CSMD1: variants seen among roughly 807,000 people sequenced by gnomAD.
CSMD1 encodes the protein CUB and Sushi multiple domains 1.
In CSMD1, 213 loss-of-function variants were observed where a neutral mutation model predicts 417.5. The observed-to-expected ratio is 0.51, with a 90% CI of 0.46 to 0.57. The LOEUF (loss-of-function observed/expected upper bound fraction) is 0.57. Ranked by LOEUF, CSMD1 falls within the 20% of genes least tolerant of loss-of-function variation. The probability of loss-of-function intolerance (pLI) is 0.00; values close to 1 mark genes in which losing one functional copy is unlikely to be tolerated. For synonymous variants in CSMD1, 2,862 were observed against 1,736.8 expected (o/e 1.65, Z -16.11); for missense variants, 6,923 against 4,529.7 (o/e 1.53, Z -15.17).
chr8:3,335,751 C>A (rs1287103564), intron 23 of CSMD1, among the ~76,000 whole-genome samples: 2 of 152,272 alleles, frequency 1.3e-5, no homozygotes, highest in South Asian at 2.1e-4. Flanking sequence ...AAGAGTAGAG[C>A]AGACACAGAG....
intron 2 of CSMD1, among the ~76,000 whole-genome samples, chr8:4,482,404 G>A (rs1037419317): frequency 1.3e-5 from 2 of 152,106 alleles, no homozygotes; most frequent in African/African-American, 4.8e-5. Context: ...CTCCATCCAT[G>A]CTCCTGCAAA....
chr8:4,191,172 G>A (rs1489440102), intron 3 of CSMD1, among the ~76,000 whole-genome samples: 3 of 152,170 alleles, frequency 2.0e-5, no homozygotes, highest in East Asian at 3.9e-4. Context: ...CGAGGCAGGT[G>A]GATCACGACG....
intron 3 of CSMD1, among the ~76,000 whole-genome samples, chr8:4,211,046 C>G (rs1800277693): frequency 6.6e-6 from 1 of 152,156 alleles, no homozygotes; most frequent in Non-Finnish European, 1.5e-5. Context: ...AATACAAACA[C>G]ATTTCCTTCC....
intron 52 of CSMD1, among the ~76,000 whole-genome samples, chr8:3,002,157 T>C (rs557903800): frequency 1.3e-5 from 2 of 152,270 alleles, no homozygotes; most frequent in African/African-American, 4.8e-5. Context: ...TCCCAATCAC[T>C]CCCACATATG....
chr8:3,800,006 C>A (rs1276914003), intron 5 of CSMD1, among the ~76,000 whole-genome samples: 3 of 152,100 alleles, frequency 2.0e-5, no homozygotes, highest in Non-Finnish European at 4.4e-5. Flanking sequence ...TTTGTGTAAC[C>A]TTGTAAAATC....
At chr8:4,038,860 A>G (rs1240005824) in intron 3 of CSMD1, among the ~76,000 whole-genome samples, 1 of 152,176 alleles carries the variant, frequency 6.6e-6, no homozygotes, top group Non-Finnish European at 1.5e-5. Flanking sequence ...CAGGGCTTGA[A>G]ACTTGAAACA....
intron 1 of CSMD1, among the ~76,000 whole-genome samples, chr8:4,875,312 T>C (rs903944513): frequency 6.6e-6 from 1 of 152,108 alleles, no homozygotes; most frequent in Non-Finnish European, 1.5e-5. Context: ...AAATATGATA[T>C]GACCTTGTAA....
At chr8:4,214,960 G>T (rs80257247) in intron 3 of CSMD1, among the ~76,000 whole-genome samples, 3 of 152,020 alleles carry the variant, frequency 2.0e-5, no homozygotes, top group African/African-American at 7.2e-5. Context: ...CTCACTTCAC[G>T]TGAGATACAG....
intron 4 of CSMD1, among the ~76,000 whole-genome samples, chr8:4,022,231 C>G (rs528514350): frequency 2.0e-5 from 3 of 148,450 alleles, no homozygotes; most frequent in Non-Finnish European, 4.4e-5. Flanking sequence ...AATAAAGGTG[C>G]TGACTATTTT....
chr8:3,093,695 A>T (rs1452552080), intron 47 of CSMD1, among the ~76,000 whole-genome samples: 2 of 152,066 alleles, frequency 1.3e-5, no homozygotes, highest in Non-Finnish European at 2.9e-5. Flanking sequence ...TGTTGAAGCC[A>T]CTCAATTTAT....
At chr8:3,338,146 GC>G (rs1807395651) in intron 23 of CSMD1, among the ~76,000 whole-genome samples, 1 of 152,138 alleles carries the variant, frequency 6.6e-6, no homozygotes, top group Non-Finnish European at 1.5e-5. Context: ...CCTCTGAGGT[GC>G]TAAAACCAGC....
intron 1 of CSMD1, among the ~76,000 whole-genome samples, chr8:4,848,329 C>G (rs556164874): frequency 9.2e-5 from 14 of 152,212 alleles, no homozygotes; most frequent in Admixed American, 1.3e-4. Flanking sequence ...GGATAACCAC[C>G]TTTTGGTCAA....
At chr8:3,957,435 T>C (rs1189555792) in intron 5 of CSMD1, among the ~76,000 whole-genome samples, 1 of 152,138 alleles carries the variant, frequency 6.6e-6, no homozygotes, top group African/African-American at 2.4e-5. Context: ...CCCAGCACTT[T>C]GGGAGGCCAA....
At chr8:3,263,347 C>T (rs1027581984) in intron 26 of CSMD1, among the ~76,000 whole-genome samples, 7 of 152,172 alleles carry the variant, frequency 4.6e-5, no homozygotes, top group African/African-American at 1.7e-4. Flanking sequence ...GATCTGCCTG[C>T]CTTGACCTGC....
At chr8:3,524,141 G>A (rs933339700) in intron 10 of CSMD1, among the ~76,000 whole-genome samples, 23 of 132,398 alleles carry the variant, frequency 1.7e-4, no homozygotes, top group Non-Finnish European at 2.7e-4. Flanking sequence ...ACACACACAC[G>A]CACATATGCA....
chr8:4,267,042 A>C (rs1804268593), intron 3 of CSMD1, among the ~76,000 whole-genome samples: 1 of 104,216 alleles, frequency 9.6e-6, no homozygotes, highest in South Asian at 3.7e-4. Flanking sequence ...ATGTAACAGA[A>C]ACCATTCCTG....
chr8:2,989,034 T>A (rs1181221050), intron 54 of CSMD1, among the ~76,000 whole-genome samples: 4 of 152,204 alleles, frequency 2.6e-5, no homozygotes, highest in South Asian at 2.1e-4. Context: ...CACTTGAGAA[T>A]CTTAGGAAGT....
At chr8:3,005,009 C>T (rs925411995) in intron 52 of CSMD1, among the ~76,000 whole-genome samples, 7 of 152,142 alleles carry the variant, frequency 4.6e-5, no homozygotes, top group African/African-American at 1.7e-4. Flanking sequence ...CAAGGTGGCA[C>T]ATGCCTGTAG....
intron 3 of CSMD1, among the ~76,000 whole-genome samples, chr8:4,279,207 A>ACAC (rs1796648009): frequency 6.6e-6 from 1 of 151,952 alleles, no homozygotes; most frequent in African/African-American, 2.4e-5. Context: ...TATACACACT[A>ACAC]ACACACACAC....
Sources: gnomAD v4.1 joint callset for allele counts (sites outside exome capture counted in the v4.1 genomes callset) on GRCh38, gnomAD v4.1.1 for gene constraint, MANE v1.5 for transcripts, NCBI Gene and HGNC (gene_info 2026-07-23, HGNC 2026-07-21) for gene names.